The following THEMIS variants were observed in gnomAD, a reference collection of about 807,000 sequenced individuals.
THEMIS encodes the protein thymocyte selection associated.
In THEMIS, 37 loss-of-function variants were observed where a neutral mutation model predicts 52.6. That is an observed-to-expected ratio of 0.70 (90% CI 0.54 to 0.93). The LOEUF is 0.93. THEMIS is among the 40% of genes least tolerant of loss of function. THEMIS has a pLI of 0.00. For synonymous variants in THEMIS, 292 were observed against 272.7 expected (o/e 1.07, Z -0.70); for missense variants, 808 against 763.1 (o/e 1.06, Z -0.69).
intron 4 of THEMIS, among the ~76,000 whole-genome samples, chr6:127,731,085 T>C (rs1774777642): frequency 6.6e-6 from 1 of 152,222 alleles, no homozygotes; most frequent in Admixed American, 6.5e-5. Context: ...TAGTACATCC[T>C]GCAGAATTCA....
intron 2 of THEMIS, among the ~76,000 whole-genome samples, chr6:127,841,926 A>G (rs540666817): frequency 1.3e-5 from 2 of 152,154 alleles, no homozygotes; most frequent in South Asian, 4.1e-4. Context: ...AAGTTGACCC[A>G]GAAAATTTGG....
intron 2 of THEMIS, among the ~76,000 whole-genome samples, chr6:127,844,235 G>A (rs1011063865): frequency 9.9e-5 from 15 of 151,934 alleles, no homozygotes; most frequent in Non-Finnish European, 1.5e-5. Flanking sequence ...CATCTGTAAA[G>A]TCTGAATTCA....
intron 1 of THEMIS, among the ~76,000 whole-genome samples, chr6:127,897,598 T>A (rs1165252516): frequency 1.3e-5 from 2 of 151,626 alleles, no homozygotes; most frequent in South Asian, 2.1e-4. Context: ...GAGCTACCAC[T>A]ATACTCTTGC....
intron 4 of THEMIS, among the ~76,000 whole-genome samples, chr6:127,751,068 T>A (rs541329307): frequency 6.6e-6 from 1 of 151,870 alleles, no homozygotes; most frequent in African/African-American, 2.4e-5. Flanking sequence ...AAATCTAAAA[T>A]ATTTATGTTA....
At chr6:127,853,308 A>G (rs1779496134) in intron 2 of THEMIS, among the ~76,000 whole-genome samples, 1 of 151,710 alleles carries the variant, frequency 6.6e-6, no homozygotes, top group Non-Finnish European at 1.5e-5. Context: ...GAGGCATCTT[A>G]TAAAGTAATG....
chr6:127,881,109 C>A (rs2114428553), intron 1 of THEMIS, among the ~76,000 whole-genome samples: 1 of 152,144 alleles, frequency 6.6e-6, no homozygotes. Context: ...AACTTGAAGT[C>A]ACTTTCTTTC....
At chr6:127,739,354 A>C (rs1325741085) in intron 4 of THEMIS, among the ~76,000 whole-genome samples, 1 of 152,186 alleles carries the variant, frequency 6.6e-6, no homozygotes, top group Non-Finnish European at 1.5e-5. Context: ...AAAAAATAAG[A>C]AATTATTTCT....
chr6:127,810,107 G>A (rs945238373), intron 4 of THEMIS, among the ~76,000 whole-genome samples: 1 of 151,906 alleles, frequency 6.6e-6, no homozygotes, highest in Non-Finnish European at 1.5e-5. Flanking sequence ...AGTAGTCTAG[G>A]CGTAATGTTG....
rs575505015 is a variant in THEMIS, at chr6:127,856,467, A to G, written c.92-1279T>C. ...AAATGTCCTGACCTCACTCTTCTCC[A>G]TAGGCATCCCATTAGCCAAATTCTG... On this transcript the variant is annotated intron_variant, in intron 1 of 5. Transcript: ENST00000368248. Among the ~76,000 whole-genome samples the G allele has an allele frequency of 2.0e-5, 3 of 152,050 alleles. No individual in the cohort carries two copies. The East Asian group carries it at 5.8e-4, about 30-fold the overall frequency.
At chr6:127,842,748 T>C (rs1307220867) in intron 2 of THEMIS, among the ~76,000 whole-genome samples, 1 of 151,970 alleles carries the variant, frequency 6.6e-6, no homozygotes, top group Non-Finnish European at 1.5e-5. Context: ...TAATTTTTCT[T>C]GGAGGGCAAA....
intron 2 of THEMIS, among the ~76,000 whole-genome samples, chr6:127,837,304 C>T (rs1778902964): frequency 6.6e-6 from 1 of 151,916 alleles, no homozygotes; most frequent in African/African-American, 2.4e-5. Flanking sequence ...AATTCAAGGC[C>T]TACCCATGCC....
intron 4 of THEMIS, among the ~76,000 whole-genome samples, chr6:127,768,632 T>A (rs1776274905): frequency 1.3e-5 from 2 of 152,228 alleles, no homozygotes; most frequent in South Asian, 2.1e-4. Context: ...TTATATTTTT[T>A]AAATTCAAGT....
At chr6:127,810,134 C>T (rs2114594258) in intron 4 of THEMIS, among the ~76,000 whole-genome samples, 1 of 152,132 alleles carries the variant, frequency 6.6e-6, no homozygotes, top group South Asian at 2.1e-4. Flanking sequence ...GAGTTTCTCT[C>T]CTAATAAAAC....
chr6:127,898,890 T>C (rs1368891226), intron 1 of THEMIS, among the ~76,000 whole-genome samples: 2 of 151,890 alleles, frequency 1.3e-5, no homozygotes, highest in East Asian at 3.9e-4. Flanking sequence ...TATCACATGT[T>C]CTCATTAATT....
At chr6:127,754,458 G>C (rs555257235) in intron 4 of THEMIS, among the ~76,000 whole-genome samples, 4 of 152,104 alleles carry the variant, frequency 2.6e-5, no homozygotes, top group African/African-American at 9.7e-5. Context: ...TGCCATTCTT[G>C]GCATGACAGT....
chr6:127,822,485 CTG>C (rs756684894), intron 3 of THEMIS, among the ~76,000 whole-genome samples: 1 of 152,020 alleles, frequency 6.6e-6, no homozygotes, highest in Non-Finnish European at 1.5e-5. Flanking sequence ...CACTGAGAAA[CTG>C]AGAGTTATTT....
chr6:127,835,194 A>G (rs1366070839), intron 2 of THEMIS, among the ~76,000 whole-genome samples: 2 of 152,130 alleles, frequency 1.3e-5, no homozygotes, highest in Non-Finnish European at 2.9e-5. Flanking sequence ...TCTTCACAAT[A>G]CCACATATTT....
intron 1 of THEMIS, among the ~76,000 whole-genome samples, chr6:127,864,933 G>C (rs1357822779): frequency 2.0e-5 from 3 of 152,172 alleles, no homozygotes; most frequent in African/African-American, 7.2e-5. Flanking sequence ...GAGCCCAAGA[G>C]AAATCAGGCA....
At position 127,864,735 on chromosome 6, in the gene THEMIS, T is replaced by A. The variant is rs184758221; in HGVS notation, c.92-9547A>T. Among the ~76,000 whole-genome samples the A allele has an allele frequency of 7.9e-5, 12 of 152,206 alleles. No homozygotes were observed. The Admixed American group carries it at 7.9e-4, about 10-fold the overall frequency. ...CAGTTCTGTTTGTTGAAGGCCTCCA[T>A]CAACACTTACCTGAACGTCCAGCAA... On this transcript the variant is annotated intron_variant, in intron 1 of 5. Coordinates refer to ENST00000368248, the MANE Select transcript of THEMIS (RefSeq NM_001010923.3).
Sources: gnomAD v4.1 joint callset for allele counts (sites outside exome capture counted in the v4.1 genomes callset) on GRCh38, gnomAD v4.1.1 for gene constraint, MANE v1.5 for transcripts, NCBI Gene and HGNC (gene_info 2026-07-23, HGNC 2026-07-21) for gene names.